The following CDH13 variants were observed in gnomAD, a reference collection of about 807,000 sequenced individuals.
CDH13 encodes cadherin 13.
A neutral mutation model predicts 63.8 loss-of-function variants in CDH13; 24 were observed. The ratio of observed to expected loss-of-function variants is 0.38; its 90% confidence interval spans 0.27 to 0.53. The LOEUF is 0.53. Among genes scored for constraint, CDH13 ranks in the 20% least tolerant of loss-of-function variants. The pLI, the probability that CDH13 is intolerant of heterozygous loss-of-function variation, is 0.85. For missense variants in CDH13, 1,049 were observed against 903.1 expected (o/e 1.16, Z -2.07); for synonymous variants, 503 against 355.3 (o/e 1.42, Z -4.67).
At chr16:83,495,249 T>A (rs1351984731) in intron 7 of CDH13, among the ~76,000 whole-genome samples, 1 of 152,156 alleles carries the variant, frequency 6.6e-6, no homozygotes, top group African/African-American at 2.4e-5. Flanking sequence ...ACTTGTAAAA[T>A]GTACAATGGT....
chr16:83,076,719 C>T (rs1597283573), intron 3 of CDH13, among the ~76,000 whole-genome samples: 1 of 152,058 alleles, frequency 6.6e-6, no homozygotes, highest in Non-Finnish European at 1.5e-5. Flanking sequence ...ATATGTAACA[C>T]TCCACCCCCT....
At chr16:83,025,438 T>C (rs1253712016) in intron 2 of CDH13, among the ~76,000 whole-genome samples, 1 of 152,172 alleles carries the variant, frequency 6.6e-6, no homozygotes, top group Non-Finnish European at 1.5e-5. Context: ...CTTCTTCACA[T>C]GGCAGCAGCA....
chr16:83,090,167 C>G (rs957085553), intron 3 of CDH13, among the ~76,000 whole-genome samples: 1 of 152,318 alleles, frequency 6.6e-6, no homozygotes, highest in East Asian at 1.9e-4. Context: ...CTCCACTTCT[C>G]TCCAACTACC....
intron 11 of CDH13, among the ~76,000 whole-genome samples, chr16:83,756,741 C>A (rs1913540270): frequency 6.6e-6 from 1 of 152,178 alleles, no homozygotes; most frequent in Non-Finnish European, 1.5e-5. Flanking sequence ...AAAAGAAGGA[C>A]ATCACAGTCC....
chr16:83,233,918 A>T (rs1402038127), intron 5 of CDH13, among the ~76,000 whole-genome samples: 1 of 152,160 alleles, frequency 6.6e-6, no homozygotes, highest in Admixed American at 6.5e-5. Context: ...TAATGGAGAG[A>T]CAGAGTGGGT....
At chr16:83,031,500 C>T (rs1346901688) in intron 2 of CDH13, among the ~76,000 whole-genome samples, 3 of 149,046 alleles carry the variant, frequency 2.0e-5, no homozygotes, top group African/African-American at 7.5e-5. Context: ...CGTTAATTCT[C>T]ATTCCCTGAA....
intron 6 of CDH13, among the ~76,000 whole-genome samples, chr16:83,459,163 C>T (rs932792334): frequency 6.6e-6 from 1 of 152,174 alleles, no homozygotes; most frequent in East Asian, 1.9e-4. Flanking sequence ...TTTCTAAGAA[C>T]ATCTTAATGA....
intron 3 of CDH13, among the ~76,000 whole-genome samples, chr16:83,108,474 C>A (rs934204936): frequency 2.0e-5 from 3 of 152,162 alleles, no homozygotes; most frequent in Non-Finnish European, 4.4e-5. Flanking sequence ...GCTTGCAGGT[C>A]TCCCGCCTCA....
chr16:82,825,056 G>C (rs1006370120), intron 1 of CDH13: 2 of 152,140 alleles, frequency 1.3e-5, no homozygotes, highest in Non-Finnish European at 2.9e-5. Flanking sequence ...GCTAATGGTA[G>C]CCATGAGTTT....
chr16:83,513,942 TGAGA>T (rs1318561100), intron 7 of CDH13, among the ~76,000 whole-genome samples: 1 of 152,200 alleles, frequency 6.6e-6, no homozygotes, highest in Non-Finnish European at 1.5e-5. Context: ...GGGGTTATTT[TGAGA>T]GCAAAGTTTG....
chr16:83,626,196 G>T (rs530110056), intron 8 of CDH13, among the ~76,000 whole-genome samples: 1 of 152,186 alleles, frequency 6.6e-6, no homozygotes, highest in South Asian at 2.1e-4. Context: ...TTCTTCAGCT[G>T]ATTTTGCCGT....
At chr16:83,569,170 C>A (rs751914115) in intron 7 of CDH13, among the ~76,000 whole-genome samples, 40 of 152,100 alleles carry the variant, frequency 2.6e-4, no homozygotes, top group Non-Finnish European at 5.7e-4. Flanking sequence ...CATGCTCTTC[C>A]TCCAGCCTTT....
At chr16:83,068,334 T>A (rs2032177633) in intron 3 of CDH13, among the ~76,000 whole-genome samples, 1 of 152,172 alleles carries the variant, frequency 6.6e-6, no homozygotes, top group African/African-American at 2.4e-5. Flanking sequence ...AACTGAGGCT[T>A]ATGGAGGAAA....
intron 2 of CDH13, among the ~76,000 whole-genome samples, chr16:82,908,800 A>G (rs2041729754): frequency 6.6e-6 from 1 of 152,230 alleles, no homozygotes; most frequent in African/African-American, 2.4e-5. Context: ...CGTAAAACCT[A>G]GGCACATTCT....
At chr16:83,464,285 G>T (rs2073254059) in intron 6 of CDH13, among the ~76,000 whole-genome samples, 1 of 152,046 alleles carries the variant, frequency 6.6e-6, no homozygotes, top group Non-Finnish European at 1.5e-5. Flanking sequence ...GGCCAAGGTG[G>T]GTGGATCATG....
chr16:82,895,979 TC>T (rs940467003), intron 2 of CDH13, among the ~76,000 whole-genome samples: 5 of 152,176 alleles, frequency 3.3e-5, no homozygotes, highest in Non-Finnish European at 5.9e-5. Context: ...GCAAATTTTT[TC>T]ATGGGTAGTG....
intron 5 of CDH13, among the ~76,000 whole-genome samples, chr16:83,279,896 A>G (rs2089111919): frequency 6.6e-6 from 1 of 151,974 alleles, no homozygotes. Flanking sequence ...ACTATACTGC[A>G]ATGTAGTAAG....
At chr16:82,875,625 T>C (rs2040478891) in intron 2 of CDH13, among the ~76,000 whole-genome samples, 1 of 152,248 alleles carries the variant, frequency 6.6e-6, no homozygotes, top group Non-Finnish European at 1.5e-5. Flanking sequence ...ATGTCAAATA[T>C]AGTTTTCAAA....
At chr16:82,744,555 C>G (rs1458736368) in intron 1 of CDH13, among the ~76,000 whole-genome samples, 1 of 152,030 alleles carries the variant, frequency 6.6e-6, no homozygotes, top group Non-Finnish European at 1.5e-5. Context: ...TCTAGAATAC[C>G]AGGTCCCTTT....
Sources: gnomAD v4.1 joint callset for allele counts (sites outside exome capture counted in the v4.1 genomes callset) on GRCh38, gnomAD v4.1.1 for gene constraint, MANE v1.5 for transcripts, NCBI Gene and HGNC (gene_info 2026-07-23, HGNC 2026-07-21) for gene names.